Variants in RORA observed in about 807,000 individuals in gnomAD.
RORA encodes the protein nuclear receptor ROR-alpha.
A neutral mutation model predicts 69.5 loss-of-function variants in RORA; 7 were observed. The ratio of observed to expected loss-of-function variants is 0.10; its 90% CI spans 0.06 to 0.19. RORA has a LOEUF of 0.19. Ranked by LOEUF, RORA falls within the 10% of genes least tolerant of loss-of-function variation. The pLI, the probability that RORA is intolerant of heterozygous loss-of-function variation, is 1.00. For missense variants in RORA, 457 were observed against 663.0 expected (o/e 0.69, Z 3.41); for synonymous variants, 261 against 240.8 (o/e 1.08, Z -0.78).
intron 2 of RORA, among the ~76,000 whole-genome samples, chr15:60,603,130 A>C (rs192155311): frequency 1.0e-3 from 154 of 152,354 alleles, no homozygotes; most frequent in African/African-American, 3.6e-3. Flanking sequence ...GTTGAGTAAT[A>C]TTCCATTCCA....
At chr15:60,502,993 C>T (rs533057833) in intron 7 of RORA, 126 bp from the exon 8 acceptor site, 11 of 758,766 alleles carry the variant, frequency 1.4e-5, no homozygotes, top group Non-Finnish European at 2.2e-5. Context: ...GTTTAGCTAG[C>T]GGGTTCTCAG....
intron 1 of RORA, among the ~76,000 whole-genome samples, chr15:60,910,306 C>T (rs932502193): frequency 1.2e-4 from 18 of 152,232 alleles, no homozygotes; most frequent in Admixed American, 3.3e-4. Context: ...AACCCAGAAT[C>T]TTAAAAATGC....
At chr15:60,646,879 G>A (rs2070056194) in intron 2 of RORA, among the ~76,000 whole-genome samples, 1 of 152,224 alleles carries the variant, frequency 6.6e-6, no homozygotes, top group South Asian at 2.1e-4. Flanking sequence ...ATAATGACCG[G>A]CTTCACAGGG....
At chr15:60,978,961 CTTTTTT>C (rs543353825) in intron 1 of RORA, among the ~76,000 whole-genome samples, 1 of 95,136 alleles carries the variant, frequency 1.1e-5, no homozygotes, top group African/African-American at 4.1e-5. Flanking sequence ...CAACTTTGCT[CTTTTTT>C]TTTTTTTTTT....
rs183659398 is a variant in RORA at position 60,946,533 on chromosome 15, T to G, written c.167-267847A>C. ...GATCTGCCAGCTTCGGCCTCCCGAG[T>G]TGCCGGGATTGCAGACGGAGTCTCA... On this transcript the variant is annotated intron_variant, in intron 1 of 10. Transcript: ENST00000335670. 2.7e-3 allele frequency among the ~76,000 whole-genome samples: 409 copies of G among 152,292 alleles called. 1 individual carries two copies. The highest frequency in any genetic ancestry group is 8.9e-3 in the African/African-American group (371 of 41,572).
chr15:61,139,415 T>C (rs992366196), intron 1 of RORA, among the ~76,000 whole-genome samples: 4 of 152,116 alleles, frequency 2.6e-5, no homozygotes, highest in African/African-American at 7.2e-5. Flanking sequence ...CTTACTTTCT[T>C]AGAAAACAAA....
At chr15:60,721,077 G>A (rs1248650153) in intron 1 of RORA, among the ~76,000 whole-genome samples, 7 of 152,152 alleles carry the variant, frequency 4.6e-5, no homozygotes, top group South Asian at 2.1e-4. Context: ...CAGTTCTCAA[G>A]TGCAATCAAT....
chr15:60,625,350 A>T (rs2069546765), intron 2 of RORA, among the ~76,000 whole-genome samples: 1 of 152,202 alleles, frequency 6.6e-6, no homozygotes, highest in Non-Finnish European at 1.5e-5. Flanking sequence ...ACTCACATAC[A>T]TTATTGGTGG....
At chr15:60,932,576 C>T (rs1402765806) in intron 1 of RORA, among the ~76,000 whole-genome samples, 1 of 152,148 alleles carries the variant, frequency 6.6e-6, no homozygotes, top group Non-Finnish European at 1.5e-5. Context: ...CTTGAGTTTG[C>T]CTGAAGCCCT....
At chr15:60,539,738 T>G (rs993393304) in intron 2 of RORA, among the ~76,000 whole-genome samples, 3 of 152,208 alleles carry the variant, frequency 2.0e-5, no homozygotes, top group Admixed American at 6.5e-5. Context: ...TTTTTCTTTT[T>G]GTTTTTCCTC....
At chr15:61,107,213 T>C (rs2078960089) in intron 1 of RORA, among the ~76,000 whole-genome samples, 1 of 152,194 alleles carries the variant, frequency 6.6e-6, no homozygotes, top group Non-Finnish European at 1.5e-5. Context: ...AGACCACCAT[T>C]AGAAAACGCA....
chr15:60,852,399 A>C (rs1362693666), intron 1 of RORA, among the ~76,000 whole-genome samples: 1 of 152,222 alleles, frequency 6.6e-6, no homozygotes, highest in Non-Finnish European at 1.5e-5. Context: ...TAATGTTCAC[A>C]GTGCCTATAA....
At chr15:60,612,659 CTGTTTT>C (rs755216555) in intron 2 of RORA, among the ~76,000 whole-genome samples, 21 of 117,362 alleles carry the variant, frequency 1.8e-4, no homozygotes, top group African/African-American at 3.0e-4. Context: ...CTCTCTCTCT[CTGTTTT>C]TTTTTTTTTT....
intron 2 of RORA, among the ~76,000 whole-genome samples, chr15:60,579,338 T>C (rs2068125002): frequency 6.6e-6 from 1 of 152,186 alleles, no homozygotes; most frequent in South Asian, 2.1e-4. Context: ...AGACCACTAC[T>C]GTAGAGGATA....
rs79233866 is a variant in RORA, at chr15:60,603,377, A to G, written c.197-71526T>C. 6.9e-3 allele frequency among the ~76,000 whole-genome samples: 1,053 copies of G among 152,342 alleles called. 16 individuals carry two copies. The highest frequency in any genetic ancestry group is 0.024 in the African/African-American group (1,008 of 41,582). On this transcript the variant is annotated intron_variant, in intron 2 of 10. Coordinates refer to ENST00000335670, the MANE Select transcript of RORA (RefSeq NM_134261.3). ...AGTAGCTGTGCCATTTTGCATTCCT[A>G]TCAGCAATGTATGAGAGTTCCAGTT... is the stretch of plus-strand genomic sequence containing the variant.
At chr15:60,779,417 A>G (rs925128504) in intron 1 of RORA, among the ~76,000 whole-genome samples, 2 of 152,172 alleles carry the variant, frequency 1.3e-5, no homozygotes, top group Admixed American at 6.5e-5. Context: ...GCATCTCTCC[A>G]TAAGACTCCC....
At chr15:60,505,088 T>C (rs928282333) in intron 6 of RORA, among the ~76,000 whole-genome samples, 3 of 152,216 alleles carry the variant, frequency 2.0e-5, no homozygotes, top group African/African-American at 7.2e-5. Context: ...ATTTTTTTTG[T>C]ATATACTCCC....
chr15:60,512,507 C>A lies in RORA; in HGVS notation c.425-886G>T, dbSNP rs529393910. ...TCGCTATGTTGCCCTGGCTTGAGGT[C>A]TGGAACTCCAGGGCTCAAGCAATCC... On this transcript the variant is annotated intron_variant, in intron 4 of 10. Coordinates refer to ENST00000335670, the MANE Select transcript of RORA (RefSeq NM_134261.3). Among the ~76,000 whole-genome samples the A allele has an allele frequency of 5.1e-4, 77 of 152,232 alleles. No individual in the cohort carries two copies. In the South Asian group the frequency reaches 0.014, roughly 27 times the overall value.
intron 2 of RORA, among the ~76,000 whole-genome samples, chr15:60,657,474 G>A (rs976360094): frequency 1.3e-5 from 2 of 152,160 alleles, no homozygotes; most frequent in Non-Finnish European, 2.9e-5. Flanking sequence ...GAGGACTAAA[G>A]GAGTTACTCC....
Sources: allele counts gnomAD v4.1 joint callset (sites outside exome capture counted in the v4.1 genomes callset), GRCh38; gene constraint gnomAD v4.1.1; transcripts MANE v1.5; gene names NCBI Gene and HGNC (gene_info 2026-07-23, HGNC 2026-07-21).